Variants in UNC5C observed in about 807,000 individuals in gnomAD.
UNC5C encodes the protein unc-5 netrin receptor C, also known as netrin receptor UNC5C.
A neutral mutation model predicts 99.8 loss-of-function variants in UNC5C; 47 were observed. That is an observed-to-expected ratio of 0.47 (90% CI 0.37 to 0.60). UNC5C has a LOEUF of 0.60. Ranked by LOEUF, UNC5C falls within the 20% of genes least tolerant of loss-of-function variation. UNC5C has a pLI of 0.00. For synonymous variants in UNC5C, 487 were observed against 452.2 expected, an observed-to-expected ratio of 1.08 and a Z score of -0.98; for missense variants, 1,062 against 1,165.9, an observed-to-expected ratio of 0.91 and a Z score of 1.30.
At position 95,173,523 on chromosome 4, in the gene UNC5C, G is replaced by A. The variant is rs547670611; in HGVS notation, c.2452-3191C>T. ...TCATGTGGTTTTTGTCTTTGGTTCT[G>A]TTTATATGCTGGATTACATTTATTG... is the stretch of plus-strand genomic sequence containing the variant. On this transcript the variant is annotated intron_variant, in intron 14 of 15. Transcript: ENST00000453304. Among the ~76,000 whole-genome samples the A allele has an allele frequency of 2.4e-3, 356 of 148,822 alleles. 1 individual carries two copies. Among genetic ancestry groups the A allele is most frequent in the Non-Finnish European group, 4.3e-4 (29 of 67,236 alleles).
chr4:95,309,440 A>C (rs954499715), intron 2 of UNC5C, among the ~76,000 whole-genome samples: 1 of 152,160 alleles, frequency 6.6e-6, no homozygotes, highest in African/African-American at 2.4e-5. Context: ...ATAGGAATAC[A>C]TCAAACTAAA....
intron 1 of UNC5C, among the ~76,000 whole-genome samples, chr4:95,545,354 G>A (rs2149497634): frequency 6.6e-6 from 1 of 152,274 alleles, no homozygotes; most frequent in African/African-American, 2.4e-5. Flanking sequence ...CTAAACAGAA[G>A]TAAACTAGCC....
rs1737891761 is a variant in UNC5C, at chr4:95,206,725, G to T, written c.1805C>A (p.Thr602Asn). 6.2e-7 allele frequency: 1 copy of T among 1,613,872 alleles called. No homozygotes were observed. Among genetic ancestry groups the T allele is most frequent in the African/African-American group, 1.3e-5 (1 of 74,872 alleles). The change falls in exon 11 of 16, where the codon ACC (threonine) becomes AAC (asparagine). Residue 602 changes from threonine (T) to asparagine (N), a missense_variant. Physicochemically the swap from Thr to Asn is moderately conservative, Grantham distance 65 (BLOSUM62 0). Around this residue, in one of 3 missense-constraint regions of UNC5C, gnomAD observed 810 missense variants for 854.5 expected, o/e 0.95. Transcript: ENST00000453304. ...VSCGPPGALL[T>N]RPVVLTMHHC... ...ATGCATAGTGAGGACGACTGGGCGG[G>T]TGAGCAGAGCTCCTGGGGGCCCACA...
At position 95,489,834 on chromosome 4, in the gene UNC5C, G is replaced by A. The variant is rs182905000; in HGVS notation, c.124+58900C>T. On this transcript the variant is annotated intron_variant, in intron 1 of 15. Transcript: ENST00000453304. Reference sequence around the variant, plus strand: ...TTTATGGATAGGTTGTATGTGAGGAGCCTGTTTCAAGTGGAGACATTAACT... The same window carrying A: ...TTTATGGATAGGTTGTATGTGAGGAACCTGTTTCAAGTGGAGACATTAACT... Among the ~76,000 whole-genome samples, 46 of 151,758 alleles carry A rather than the reference G, an allele frequency of 3.0e-4. 1 individual carries two copies. The highest frequency in any genetic ancestry group is 1.1e-3 in the African/African-American group (45 of 41,492).
At chr4:95,321,119 T>C (rs1742674520) in intron 2 of UNC5C, among the ~76,000 whole-genome samples, 2 of 152,338 alleles carry the variant, frequency 1.3e-5, no homozygotes, top group African/African-American at 2.4e-5. Flanking sequence ...CTATACAGTA[T>C]GAAATTCAAA....
intron 1 of UNC5C, among the ~76,000 whole-genome samples, chr4:95,517,722 A>T (rs1443265467): frequency 1.3e-5 from 2 of 152,182 alleles, no homozygotes; most frequent in Non-Finnish European, 2.9e-5. Context: ...ATAAGAAGAG[A>T]CATCTGGTCA....
intron 1 of UNC5C, among the ~76,000 whole-genome samples, chr4:95,366,875 G>A (rs747711237): frequency 1.3e-5 from 2 of 152,164 alleles, no homozygotes; most frequent in South Asian, 2.1e-4. Context: ...TTCTGTTTTT[G>A]CCCAAGTATA....
chr4:95,301,527 C>A, intron 3 of UNC5C, 79 bp downstream of exon 3: 1 of 1,588,148 alleles, frequency 6.3e-7, no homozygotes, highest in South Asian at 1.1e-5. Flanking sequence ...TTCTTTGGTG[C>A]TGGAGTAGTC....
At chr4:95,434,534 A>G (rs1746720948) in intron 1 of UNC5C, among the ~76,000 whole-genome samples, 1 of 152,076 alleles carries the variant, frequency 6.6e-6, no homozygotes, top group Middle Eastern at 3.2e-3. Flanking sequence ...TCTTAGCTTT[A>G]TATACTTCCT....
chr4:95,463,479 C>A (rs1257847993), intron 1 of UNC5C, among the ~76,000 whole-genome samples: 2 of 151,796 alleles, frequency 1.3e-5, no homozygotes, highest in Non-Finnish European at 2.9e-5. Flanking sequence ...GAAAATGAAC[C>A]CATCCTAATG....
intron 1 of UNC5C, among the ~76,000 whole-genome samples, chr4:95,504,777 T>C (rs1278884205): frequency 6.6e-6 from 1 of 152,116 alleles, no homozygotes; most frequent in Non-Finnish European, 1.5e-5. Flanking sequence ...ATATTACATA[T>C]GCATATATGT....
At chr4:95,439,388 T>G (rs1381692030) in intron 1 of UNC5C, among the ~76,000 whole-genome samples, 1 of 151,458 alleles carries the variant, frequency 6.6e-6, no homozygotes, top group African/African-American at 2.4e-5. Flanking sequence ...TTTTGGTTTT[T>G]TTTTTTTTGT....
In UNC5C at chr4:95,274,251, T is replaced by A. The variant is rs956186741; in HGVS notation, c.594+4008A>T. Among the ~76,000 whole-genome samples, 2 of 152,098 alleles carry A rather than the reference T, an allele frequency of 1.3e-5. 1 individual carries two copies. Among genetic ancestry groups the A allele is most frequent in the Admixed American group, 1.3e-4 (2 of 15,262 alleles). On this transcript the variant is annotated intron_variant, in intron 4 of 15. Transcript: ENST00000453304. The stretch of plus-strand genomic sequence containing the variant: ...CGATGTGGAAACAGTTCTGTATCTG[T>A]TGCTAAATTACTGAGTGTCCCTCAC...
chr4:95,461,859 A>C (rs1747610279), intron 1 of UNC5C, among the ~76,000 whole-genome samples: 1 of 152,210 alleles, frequency 6.6e-6, no homozygotes, highest in South Asian at 2.1e-4. Context: ...TTTCCCTGCT[A>C]ACCCAAGATA....
intron 1 of UNC5C, among the ~76,000 whole-genome samples, chr4:95,375,605 A>T (rs1418243339): frequency 6.6e-6 from 1 of 152,212 alleles, no homozygotes; most frequent in Non-Finnish European, 1.5e-5. Flanking sequence ...TAATAAAACC[A>T]TTGAAAATAA....
intron 4 of UNC5C, among the ~76,000 whole-genome samples, chr4:95,253,381 G>A (rs1026527813): frequency 6.6e-6 from 1 of 152,090 alleles, no homozygotes. Flanking sequence ...CTGCATGGTT[G>A]ACAAAAGATT....
At chr4:95,282,213 C>A (rs905078857) in intron 3 of UNC5C, among the ~76,000 whole-genome samples, 3 of 152,002 alleles carry the variant, frequency 2.0e-5, no homozygotes, top group Non-Finnish European at 4.4e-5. Context: ...AGGAGAAAAC[C>A]CAAGGAAGTT....
At chr4:95,349,737 A>G (rs1743915356) in intron 1 of UNC5C, among the ~76,000 whole-genome samples, 1 of 152,018 alleles carries the variant, frequency 6.6e-6, no homozygotes, top group Non-Finnish European at 1.5e-5. Flanking sequence ...ACCTGTGTTT[A>G]TAGACCATGG....
rs541735140 is a variant in UNC5C, at chr4:95,174,181, TA to T, written c.2452-3850del. On this transcript the variant is annotated intron_variant, in intron 14 of 15. Coordinates refer to ENST00000453304, the MANE Select transcript of UNC5C (RefSeq NM_003728.4). ...CAGTCTATCAATTTTATGGATCCTT[TA>T]AAAAAACCAGCTACTGGATTCATTA... 2.0e-3 allele frequency among the ~76,000 whole-genome samples: 311 copies of T among 152,272 alleles called. 2 individuals carry two copies. Among genetic ancestry groups the T allele is most frequent in the Middle Eastern group, 6.8e-3 (2 of 294 alleles).
Sources: allele counts gnomAD v4.1 joint callset (sites outside exome capture counted in the v4.1 genomes callset), GRCh38; gene constraint gnomAD v4.1.1; regional missense constraint gnomAD v4.1.1; transcripts MANE v1.5; gene names NCBI Gene and HGNC (gene_info 2026-07-23, HGNC 2026-07-21).